The following SLC26A7 variants were observed in gnomAD, a reference collection of about 807,000 sequenced individuals.
The protein encoded by SLC26A7 is anion exchange transporter.
In SLC26A7, 59 loss-of-function variants were observed where a neutral mutation model predicts 82.5. That is an observed-to-expected ratio of 0.72 (90% CI 0.58 to 0.89). SLC26A7 has a LOEUF of 0.89. SLC26A7 is among the 40% of genes least tolerant of loss of function. SLC26A7 has a pLI of 0.00. For missense variants in SLC26A7, 820 were observed against 793.0 expected (o/e 1.03, Z -0.41); for synonymous variants, 271 against 274.3 (o/e 0.99, Z 0.12).
chr8:91,378,404 A>G (rs1246679027), intron 15 of SLC26A7, among the ~76,000 whole-genome samples: 1 of 146,994 alleles, frequency 6.8e-6, no homozygotes, highest in South Asian at 2.1e-4. Flanking sequence ...TATATAATAT[A>G]AAGTATATAT....
intron 3 of SLC26A7, among the ~76,000 whole-genome samples, chr8:91,294,460 C>T (rs1049705779): frequency 1.3e-5 from 2 of 151,986 alleles, no homozygotes; most frequent in Non-Finnish European, 2.9e-5. Context: ...TCCATTGAGA[C>T]CTGTTTCTGT....
rs570418664 is a variant in SLC26A7 at position 91,334,022 on chromosome 8, G to C, written c.643-273G>C. 8.5e-5 allele frequency among the ~76,000 whole-genome samples: 13 copies of C among 152,246 alleles called. No homozygotes were observed. In the South Asian group the frequency reaches 2.7e-3, roughly 32 times the overall value. Reference sequence around the variant, plus strand: ...GCATCTCTGCCCCTCAGAGTGTCAGGGATGAAGCCAGAAGAGTCATTCTCT... The same window carrying C: ...GCATCTCTGCCCCTCAGAGTGTCAGCGATGAAGCCAGAAGAGTCATTCTCT... On this transcript the variant is annotated intron_variant, in intron 5 of 18. Transcript: ENST00000276609.
chr8:91,233,589 GA>G (rs1190098102), intron 2 of SLC26A7, among the ~76,000 whole-genome samples: 1 of 150,580 alleles, frequency 6.6e-6, no homozygotes. Flanking sequence ...AAAAGAAAAA[GA>G]AAAAAAAGAA....
intron 15 of SLC26A7, among the ~76,000 whole-genome samples, chr8:91,386,080 T>A (rs910729096): frequency 3.9e-5 from 6 of 152,130 alleles, no homozygotes; most frequent in African/African-American, 1.4e-4. Context: ...GAAAAAAATA[T>A]CAAAATTCAT....
intron 9 of SLC26A7, among the ~76,000 whole-genome samples, chr8:91,350,462 A>G (rs559492412): frequency 6.6e-6 from 1 of 152,104 alleles, no homozygotes; most frequent in East Asian, 1.9e-4. Flanking sequence ...TTGTATAACA[A>G]GTAAAATCAA....
chr8:91,335,046 C>T (rs1013537235), intron 6 of SLC26A7, among the ~76,000 whole-genome samples: 3 of 151,988 alleles, frequency 2.0e-5, no homozygotes, highest in African/African-American at 7.2e-5. Flanking sequence ...ATTTCAAGAA[C>T]CTCTAATAGG....
intron 2 of SLC26A7, among the ~76,000 whole-genome samples, chr8:91,225,762 G>A (rs1206056353): frequency 1.4e-5 from 2 of 141,030 alleles, no homozygotes; most frequent in East Asian, 4.4e-4. Context: ...TATCTCAGGT[G>A]ACACAAAAGA....
At chr8:91,331,299 AG>A (rs1297559271) in intron 5 of SLC26A7, among the ~76,000 whole-genome samples, 1 of 152,192 alleles carries the variant, frequency 6.6e-6, no homozygotes, top group African/African-American at 2.4e-5. Flanking sequence ...GCATTATAAC[AG>A]GAAGGTCTTT....
chr8:91,214,897 C>T lies in SLC26A7; in HGVS notation c.-149-3993C>T, dbSNP rs564445947. 1.6e-4 allele frequency among the ~76,000 whole-genome samples: 24 copies of T among 151,756 alleles called. 2 individuals carry two copies. In the South Asian group the frequency reaches 3.3e-3, roughly 21 times the overall value. On this transcript the variant is annotated intron_variant, in intron 1 of 5. Coordinates refer to the SLC26A7 transcript ENST00000522862. Reference sequence around the variant, plus strand: ...AAGATTTTGCAGGCTGGGTTTCCATCTGGAGGCTCCTGGGGGGAACCATTT... The same window carrying T: ...AAGATTTTGCAGGCTGGGTTTCCATTTGGAGGCTCCTGGGGGGAACCATTT...
intron 2 of SLC26A7, among the ~76,000 whole-genome samples, chr8:91,279,838 G>T (rs920139683): frequency 6.6e-6 from 1 of 152,170 alleles, no homozygotes; most frequent in East Asian, 1.9e-4. Context: ...AATTACAGGC[G>T]TGAGCCACCG....
chr8:91,324,647 T>G (rs1812886632), intron 5 of SLC26A7, among the ~76,000 whole-genome samples: 1 of 152,152 alleles, frequency 6.6e-6, no homozygotes, highest in Admixed American at 6.6e-5. Flanking sequence ...CCCGTGGAAT[T>G]TTATTGAAAC....
chr8:91,322,821 CT>C (rs1812828978), intron 5 of SLC26A7, among the ~76,000 whole-genome samples: 1 of 152,116 alleles, frequency 6.6e-6, no homozygotes, highest in Admixed American at 6.6e-5. Flanking sequence ...TTTTTATTTT[CT>C]GCCCTAAAAA....
At chr8:91,357,980 A>G (rs1474921481) in intron 11 of SLC26A7, among the ~76,000 whole-genome samples, 2 of 152,248 alleles carry the variant, frequency 1.3e-5, no homozygotes, top group Non-Finnish European at 1.5e-5. Context: ...AAAAGAAGAC[A>G]TTTATGCAGC....
rs922989842 is a variant in SLC26A7, at chr8:91,395,890, T to G, written c.*793T>G. The stretch of plus-strand genomic sequence containing the variant: ...TTGTTGGAGAAAGAGAATATGAAAA[T>G]TACACATTTTATAATTTTTAGATGA... On this transcript the variant is annotated 3_prime_UTR_variant, in exon 19 of 19. Transcript: ENST00000276609. 6.6e-6 allele frequency: 1 copy of G among 152,046 alleles called. No individual in the cohort carries two copies. Among genetic ancestry groups the G allele is most frequent in the Non-Finnish European group, 1.5e-5 (1 of 67,930 alleles). The allele number at this position is 152,046 out of a possible 1,614,324, so 9.4% of individuals were successfully genotyped here. A position where few individuals can be genotyped will look rare whatever the true frequency, so the allele number is the denominator to read the frequency against.
Position 91,366,664 on chromosome 8 carries a change from A to C in SLC26A7, c.1573A>C (p.Asn525His), listed in dbSNP as rs1203134475. Residue 525 changes from asparagine (N) to histidine (H), a missense_variant, in exon 14 of 19, where the codon AAC becomes CAC. By Grantham distance (68) the Asn-to-His change is moderately conservative. Coordinates refer to ENST00000276609, the MANE Select transcript of SLC26A7 (RefSeq NM_052832.4). ...NAKKFYTDLM[N>H]MIQKENACNQ... ...AAAAAAATTTTATACTGATTTAATG[A>C]ACATGATCCAAAAGGAAAATGCCTG... 3.7e-6 allele frequency: 6 copies of C among 1,613,452 alleles called. No homozygotes were observed. The highest frequency in any genetic ancestry group is 2.7e-5 in the African/African-American group (2 of 74,900).
intron 2 of SLC26A7, among the ~76,000 whole-genome samples, chr8:91,220,665 T>A (rs1239401428): frequency 6.6e-6 from 1 of 152,242 alleles, no homozygotes; most frequent in Admixed American, 6.5e-5. Context: ...CACAAGTGCC[T>A]GCAAAGGACA....
At chr8:91,390,584 C>A (rs1273556950) in intron 16 of SLC26A7, among the ~76,000 whole-genome samples, 1 of 152,152 alleles carries the variant, frequency 6.6e-6, no homozygotes, top group Non-Finnish European at 1.5e-5. Flanking sequence ...CGGCTCACCT[C>A]ATCTTCAGGT....
intron 4 of SLC26A7, among the ~76,000 whole-genome samples, chr8:91,304,194 G>C (rs1812241124): frequency 6.6e-6 from 1 of 152,144 alleles, no homozygotes; most frequent in Admixed American, 6.5e-5. Context: ...TACAGATAAA[G>C]ATACTGAAGA....
At chr8:91,345,082 C>T (rs1351123265) in intron 9 of SLC26A7, among the ~76,000 whole-genome samples, 1 of 151,632 alleles carries the variant, frequency 6.6e-6, no homozygotes, top group African/African-American at 2.4e-5. Context: ...GCTGGAATAA[C>T]AGGCGTGCAC....
Sources: allele counts gnomAD v4.1 joint callset (sites outside exome capture counted in the v4.1 genomes callset), GRCh38; gene constraint gnomAD v4.1.1; transcripts MANE v1.5; gene names NCBI Gene and HGNC (gene_info 2026-07-23, HGNC 2026-07-21).